Variants in TAF4 observed in about 807,000 individuals in gnomAD.
TAF4 encodes the protein TATA-box binding protein associated factor 4, also known as transcription initiation factor TFIID subunit 4.
In TAF4, 9 loss-of-function variants were observed where a neutral mutation model predicts 90.3. That is an observed-to-expected ratio of 0.10 (90% CI 0.06 to 0.17). TAF4 has a LOEUF of 0.17. TAF4 is among the 10% of genes least tolerant of loss of function. The pLI is 1.00. For synonymous variants in TAF4, 818 were observed against 638.9 expected, an observed-to-expected ratio of 1.28 and a Z score of -4.23; for missense variants, 1,351 against 1,370.7, an observed-to-expected ratio of 0.99 and a Z score of 0.23.
rs1167300178 is a variant in TAF4 at position 62,064,597 on chromosome 20, G to A, written c.1214C>T (p.Ala405Val). The change falls in exon 1 of 15, where the codon GCC becomes GTC. Residue 405 changes from alanine to valine, a missense_variant. Coordinates refer to ENST00000252996, the MANE Select transcript of TAF4 (RefSeq NM_003185.4). ...GGACAGGCTCTGGGTCACTGCGCCG[G>A]CCGCGCCTTTGGGCAGCCCGGTGGG... ...GTPTGLPKGAAGAVTQSLSRT... is the reference protein window; with the variant it reads ...GTPTGLPKGAVGAVTQSLSRT... The A allele has an allele frequency of 4.1e-6, 6 of 1,468,476 alleles. No individual in the cohort carries two copies. Among genetic ancestry groups the A allele is most frequent in the Non-Finnish European group, 4.5e-6 (5 of 1,113,418 alleles). 91.0% of individuals were successfully genotyped at this position (1,468,476 alleles called of 1,614,324 possible).
chr20:62,017,843 G>GA (rs933844238), intron 1 of TAF4, among the ~76,000 whole-genome samples: 12 of 131,996 alleles, frequency 9.1e-5, no homozygotes, highest in South Asian at 2.4e-4. Context: ...CAAAAAAAAA[G>GA]AAAAAAAAAA....
intron 1 of TAF4, among the ~76,000 whole-genome samples, chr20:62,049,085 C>A (rs941957307): frequency 6.6e-6 from 1 of 151,596 alleles, no homozygotes; most frequent in Non-Finnish European, 1.5e-5. Flanking sequence ...AGGCTCCGTC[C>A]CCCAACTCCA....
rs571832456 is a variant in TAF4 at position 62,023,412 on chromosome 20, CAG to C, written c.1361-8707_1361-8706del. ...CACCACTGCAGTCCAGCCTGGGTAA[CAG>C]AATGAGACTCCCTCTCAAACCAAAC... is the stretch of plus-strand genomic sequence containing the variant. On this transcript the variant is annotated intron_variant, in intron 1 of 14. Transcript: ENST00000252996. Among the ~76,000 whole-genome samples, 7 of 152,222 alleles carry C rather than the reference CAG, an allele frequency of 4.6e-5. No homozygotes were observed. The East Asian group carries it at 1.2e-3, about 25-fold the overall frequency.
At position 61,982,760 on chromosome 20, in the gene TAF4, G is replaced by A. The variant is rs192686906; in HGVS notation, c.3091-6425C>T. Reference sequence around the variant, plus strand: ...CACTGCGAGGGCCCAGTGGGCGGCGGGACTCTGAGATGCAACCTCATACAC... The same window carrying A: ...CACTGCGAGGGCCCAGTGGGCGGCGAGACTCTGAGATGCAACCTCATACAC... On this transcript the variant is annotated intron_variant, in intron 14 of 14. Coordinates refer to ENST00000252996, the MANE Select transcript of TAF4 (RefSeq NM_003185.4). Among the ~76,000 whole-genome samples the A allele has an allele frequency of 2.0e-3, 300 of 151,476 alleles. 1 individual carries two copies. The highest frequency in any genetic ancestry group is 3.4e-3 in the Middle Eastern group (1 of 292).
rs578126552 is a variant in TAF4 at position 62,064,676 on chromosome 20, T to C, written c.1135A>G (p.Met379Val). 4.6e-4 allele frequency: 590 copies of C among 1,270,648 alleles called. No homozygotes were observed. Among genetic ancestry groups the C allele is most frequent in the Middle Eastern group, 3.8e-3 (12 of 3,180 alleles). The allele number at this position is 1,270,648 out of a possible 1,614,324, so 78.7% of individuals were successfully genotyped here. A position where few individuals can be genotyped will look rare whatever the true frequency, so the allele number is the denominator to read the frequency against. ...GCCGGGCTGGGCAGCGCCCCTTGCA[T>C]AGTTGGCCCGATGACCATGCTGGCC... Reference protein sequence around the residue: ...TAASMVIGPTMQGALPSPAAV... With the variant: ...TAASMVIGPTVQGALPSPAAV... The change falls in exon 1 of 15, where the codon ATG becomes GTG. Residue 379 changes from methionine (M) to valine (V), a missense_variant. Coordinates refer to ENST00000252996, the MANE Select transcript of TAF4 (RefSeq NM_003185.4).
chr20:62,026,324 C>A (rs534697763), intron 1 of TAF4, among the ~76,000 whole-genome samples: 4 of 152,186 alleles, frequency 2.6e-5, no homozygotes, highest in Admixed American at 2.6e-4. Context: ...GTCGATGGCA[C>A]CCCAAGCGAT....
intron 1 of TAF4, among the ~76,000 whole-genome samples, chr20:62,041,637 A>C (rs956153678): frequency 1.3e-5 from 2 of 152,024 alleles, no homozygotes; most frequent in Non-Finnish European, 2.9e-5. Context: ...TCAAAAAAAA[A>C]AGAAAAAAGA....
intron 1 of TAF4, among the ~76,000 whole-genome samples, chr20:62,049,324 G>C (rs2145511132): frequency 6.6e-6 from 1 of 152,284 alleles, no homozygotes; most frequent in East Asian, 1.9e-4. Context: ...CTGCAGGGCA[G>C]TGGTGAGCAT....
chr20:62,017,343 A>G (rs190668503), intron 1 of TAF4, among the ~76,000 whole-genome samples: 2 of 152,248 alleles, frequency 1.3e-5, no homozygotes, highest in Non-Finnish European at 2.9e-5. Context: ...TGTGCTTTAA[A>G]AAATTGCATC....
At chr20:61,994,641 C>T (rs1249674508) in intron 14 of TAF4, among the ~76,000 whole-genome samples, 1 of 152,200 alleles carries the variant, frequency 6.6e-6, no homozygotes, top group Non-Finnish European at 1.5e-5. Flanking sequence ...AGGCGAGCCC[C>T]AGCACGGAGG....
chr20:62,047,243 G>A (rs2055998646), intron 1 of TAF4, among the ~76,000 whole-genome samples: 1 of 152,102 alleles, frequency 6.6e-6, no homozygotes, highest in Non-Finnish European at 1.5e-5. Context: ...TTACTAGCAT[G>A]GGGCTATGGT....
intron 7 of TAF4, chr20:62,004,886 CCT>C (rs1261021687): frequency 6.6e-6 from 1 of 152,314 alleles, no homozygotes; most frequent in East Asian, 1.9e-4. Context: ...ATGCTCTGGC[CCT>C]GTCCCCAGGA....
chr20:62,052,097 T>C lies in TAF4; in HGVS notation c.1360+12354A>G, dbSNP rs79128192. Among the ~76,000 whole-genome samples, 56 of 152,262 alleles carry C rather than the reference T, an allele frequency of 3.7e-4. No homozygotes were observed. In the East Asian group the frequency reaches 5.8e-3, roughly 16 times the overall value. On this transcript the variant is annotated intron_variant, in intron 1 of 14. Transcript: ENST00000252996. ...CTCCCTGCATCCCCGCAGCACAGCA[T>C]GGCCACCGAGCACCGCAGACGTGCC...
chr20:62,004,006 A>ACCC, intron 7 of TAF4, 128 bp from the exon 8 acceptor site: 2 of 1,196,498 alleles, frequency 1.7e-6, no homozygotes, highest in South Asian at 3.3e-5. Flanking sequence ...TCCTAGGAAG[A>ACCC]CCCCGTGTGC....
chr20:61,985,219 G>C (rs1189967174), intron 14 of TAF4, among the ~76,000 whole-genome samples: 1 of 151,900 alleles, frequency 6.6e-6, no homozygotes. Flanking sequence ...TCCTGCAGGT[G>C]AGTGACGGCC....
At chr20:62,060,237 A>G (rs972761931) in intron 1 of TAF4, among the ~76,000 whole-genome samples, 1 of 152,240 alleles carries the variant, frequency 6.6e-6, no homozygotes, top group African/African-American at 2.4e-5. Context: ...CATTTGCCAC[A>G]GAAGCAAGCG....
At chr20:61,985,951 A>G (rs2055588032) in intron 14 of TAF4, among the ~76,000 whole-genome samples, 1 of 151,430 alleles carries the variant, frequency 6.6e-6, no homozygotes, top group African/African-American at 2.4e-5. Flanking sequence ...AGGAACCACC[A>G]TCCCCGACCA....
intron 1 of TAF4, 134 bp downstream of exon 1, chr20:62,064,317 T>G: frequency 9.3e-7 from 1 of 1,072,392 alleles, no homozygotes. Flanking sequence ...GGGTAGAGAC[T>G]GCCCCTCGGC....
chr20:61,996,365 A>G (rs952522276), intron 14 of TAF4, among the ~76,000 whole-genome samples: 2 of 152,122 alleles, frequency 1.3e-5, no homozygotes, highest in African/African-American at 4.8e-5. Flanking sequence ...CCTAGGTGAC[A>G]CAGTGAGACC....
Sources: allele counts gnomAD v4.1 joint callset (sites outside exome capture counted in the v4.1 genomes callset), GRCh38; gene constraint gnomAD v4.1.1; transcripts MANE v1.5; gene names NCBI Gene and HGNC (gene_info 2026-07-23, HGNC 2026-07-21).